The following MIPOL1 variants were observed in gnomAD, a reference collection of about 807,000 sequenced individuals.
MIPOL1 encodes mirror-image polydactyly 1.
In MIPOL1, 57 loss-of-function variants were observed where a neutral mutation model predicts 60.9. The ratio of observed to expected loss-of-function variants is 0.94; its 90% CI spans 0.76 to 1.17. MIPOL1 has a LOEUF of 1.17. MIPOL1 is among the 50% of genes most tolerant of loss of function. The probability of loss-of-function intolerance (pLI) is 0.00; values close to 1 mark genes in which losing one functional copy is unlikely to be tolerated. For missense variants in MIPOL1, 551 were observed against 511.6 expected (o/e 1.08, Z -0.74); for synonymous variants, 179 against 168.8 (o/e 1.06, Z -0.47).
intron 10 of MIPOL1, among the ~76,000 whole-genome samples, chr14:37,414,497 C>T (rs2093730922): frequency 6.6e-6 from 1 of 152,258 alleles, no homozygotes; most frequent in South Asian, 2.1e-4. Flanking sequence ...TGAAATATCT[C>T]TTCATGTCTT....
chr14:37,292,464 A>AATTTT (rs2085178552), intron 7 of MIPOL1, among the ~76,000 whole-genome samples: 2 of 82,102 alleles, frequency 2.4e-5, no homozygotes, highest in Non-Finnish European at 4.9e-5. Flanking sequence ...TCCTTAATAA[A>AATTTT]CTTTTTTTTT....
chr14:37,356,812 G>C (rs8012059), intron 9 of MIPOL1, among the ~76,000 whole-genome samples: 147,517 of 152,274 alleles, frequency 0.97, 71,534 homozygotes, highest in East Asian at 1. Flanking sequence ...CTGTCTGGCA[G>C]TCCCTAGTGA....
intron 9 of MIPOL1, among the ~76,000 whole-genome samples, chr14:37,332,035 G>C (rs985620073): frequency 6.6e-6 from 1 of 152,146 alleles, no homozygotes; most frequent in Non-Finnish European, 1.5e-5. Flanking sequence ...CTGCTCGGGA[G>C]GCTGAGGCAG....
rs568276796 is a variant in MIPOL1, at chr14:37,233,767, G to T, written c.-198-13336G>T. 2.3e-3 allele frequency among the ~76,000 whole-genome samples: 344 copies of T among 152,216 alleles called. 2 individuals are homozygous for T. Among genetic ancestry groups the T allele is most frequent in the Non-Finnish European group, 4.2e-3 (284 of 68,008 alleles). The stretch of plus-strand genomic sequence containing the variant: ...GGCCTCTCTGGTGAAGCTTTTCTAG[G>T]CATTTTTCTGCTAAAGCTTTAGCTA... On this transcript the variant is annotated intron_variant, in intron 1 of 12. Transcript: ENST00000684589.
At chr14:37,459,541 A>G (rs1177613738) in intron 11 of MIPOL1, among the ~76,000 whole-genome samples, 3 of 152,162 alleles carry the variant, frequency 2.0e-5, no homozygotes, top group Non-Finnish European at 2.9e-5. Flanking sequence ...TCCAACAACA[A>G]CAAAAAGCCT....
chr14:37,302,560 G>C (rs914697272), intron 7 of MIPOL1, among the ~76,000 whole-genome samples: 14 of 149,336 alleles, frequency 9.4e-5, no homozygotes, highest in African/African-American at 3.4e-4. Flanking sequence ...GTTTTTTTGA[G>C]TCTCTTAGTG....
intron 9 of MIPOL1, among the ~76,000 whole-genome samples, chr14:37,323,871 A>G (rs2153448893): frequency 6.6e-6 from 1 of 152,118 alleles, no homozygotes; most frequent in East Asian, 1.9e-4. Flanking sequence ...AATGTCAGCA[A>G]GATATTTGTG....
At chr14:37,226,559 G>A (rs1381712654) in intron 1 of MIPOL1, among the ~76,000 whole-genome samples, 5 of 152,292 alleles carry the variant, frequency 3.3e-5, no homozygotes, top group South Asian at 2.1e-4. Context: ...CCCACGATTC[G>A]ATTTTCTCCC....
At chr14:37,397,339 C>T (rs925355155) in intron 10 of MIPOL1, among the ~76,000 whole-genome samples, 1 of 149,860 alleles carries the variant, frequency 6.7e-6, no homozygotes, top group African/African-American at 2.5e-5. Flanking sequence ...CTATAGGTCT[C>T]TCAGTCCTGG....
At chr14:37,419,199 A>G (rs2093825518) in intron 10 of MIPOL1, among the ~76,000 whole-genome samples, 1 of 152,188 alleles carries the variant, frequency 6.6e-6, no homozygotes, top group South Asian at 2.1e-4. Context: ...ATGAAATAAT[A>G]TGGATGAATC....
chr14:37,358,257 C>T (rs80226529), intron 9 of MIPOL1, among the ~76,000 whole-genome samples: 83,603 of 152,074 alleles, frequency 0.55, 25,071 homozygotes, highest in Non-Finnish European at 0.66. Context: ...CATTTGAGTT[C>T]ATTCCAATCT....
intron 9 of MIPOL1, among the ~76,000 whole-genome samples, chr14:37,327,434 C>A (rs2153451352): frequency 6.6e-6 from 1 of 152,210 alleles, no homozygotes; most frequent in African/African-American, 2.4e-5. Context: ...ACTACAGGTG[C>A]ATGCCACCAC....
chr14:37,377,709 C>T (rs562068265), intron 10 of MIPOL1, among the ~76,000 whole-genome samples: 1 of 149,714 alleles, frequency 6.7e-6, no homozygotes, highest in African/African-American at 2.4e-5. Flanking sequence ...TCAGTCTTGA[C>T]AGGAGTGCGG....
chr14:37,361,084 G>A (rs975504360), intron 9 of MIPOL1, among the ~76,000 whole-genome samples: 7 of 152,160 alleles, frequency 4.6e-5, no homozygotes, highest in African/African-American at 1.7e-4. Flanking sequence ...TTACCTAGTA[G>A]TCATTTAGGA....
At chr14:37,429,958 A>G (rs1271603682) in intron 11 of MIPOL1, among the ~76,000 whole-genome samples, 3 of 152,260 alleles carry the variant, frequency 2.0e-5, no homozygotes, top group Non-Finnish European at 4.4e-5. Flanking sequence ...CCATGAAGCA[A>G]TATTTTTCTC....
At chr14:37,532,685 G>C (rs547905814) in intron 12 of MIPOL1, among the ~76,000 whole-genome samples, 20 of 152,236 alleles carry the variant, frequency 1.3e-4, no homozygotes, top group Admixed American at 5.9e-4. Context: ...CCTTAGATTA[G>C]TTTAGGTGTG....
chr14:37,315,390 T>G (rs1274861692), intron 9 of MIPOL1, among the ~76,000 whole-genome samples: 1 of 152,146 alleles, frequency 6.6e-6, no homozygotes, highest in Non-Finnish European at 1.5e-5. Context: ...TGTATGATCT[T>G]GGAGGTAATG....
rs141585319 is a variant in MIPOL1, at chr14:37,308,515, C to T, written c.824C>T (p.Ser275Phe). 1.3e-4 allele frequency: 202 copies of T among 1,572,766 alleles called. No homozygotes were observed. The highest frequency in any genetic ancestry group is 1.7e-4 in the Non-Finnish European group (196 of 1,163,866). ...ALIEERDAAL[S>F]KCKRLEQELH... ...ATAGAAGAACGGGATGCTGCCTTGT[C>T]TAAGGTAACTCTGCATATATCTGTA... Residue 275 changes from serine (S) to phenylalanine (F), a missense_variant, in exon 9 of 13, where the codon TCT (serine) becomes TTT (phenylalanine). By Grantham distance (155) the Ser-to-Phe change is radical. Transcript: ENST00000684589.
chr14:37,443,469 A>G (rs1329888120), intron 11 of MIPOL1, among the ~76,000 whole-genome samples: 39 of 150,604 alleles, frequency 2.6e-4, no homozygotes, highest in South Asian at 6.3e-4. Flanking sequence ...AAAAAAAAAA[A>G]AAAAAAAAAA....
Sources: gnomAD v4.1 joint callset for allele counts (sites outside exome capture counted in the v4.1 genomes callset) on GRCh38, gnomAD v4.1.1 for gene constraint, MANE v1.5 for transcripts, NCBI Gene and HGNC (gene_info 2026-07-23, HGNC 2026-07-21) for gene names.